The following OPCML variants were observed in gnomAD, a reference collection of about 807,000 sequenced individuals.
OPCML encodes opioid binding protein/cell adhesion molecule like, also known as opioid-binding protein/cell adhesion molecule.
A neutral mutation model predicts 37.8 loss-of-function variants in OPCML; 13 were observed. The observed-to-expected ratio is 0.34, with a 90% CI of 0.22 to 0.55. The LOEUF (loss-of-function observed/expected upper bound fraction) is 0.55, where lower values mean the gene tolerates loss of function less well. Among genes scored for constraint, OPCML ranks in the 20% least tolerant of loss-of-function variants. The pLI, the probability that OPCML is intolerant of heterozygous loss-of-function variation, is 0.91. For missense variants in OPCML, 341 were observed against 435.6 expected (o/e 0.78, Z 1.93); for synonymous variants, 176 against 168.8 (o/e 1.04, Z -0.33).
At chr11:132,875,839 C>T (rs1016685216) in intron 2 of OPCML, among the ~76,000 whole-genome samples, 1 of 152,150 alleles carries the variant, frequency 6.6e-6, no homozygotes, top group Non-Finnish European at 1.5e-5. Context: ...AAGATGAGAG[C>T]CTGGGTTCCT....
intron 1 of OPCML, among the ~76,000 whole-genome samples, chr11:133,150,270 G>A (rs544407403): frequency 6.6e-6 from 1 of 152,334 alleles, no homozygotes; most frequent in South Asian, 2.1e-4. Flanking sequence ...GTCAGGGACT[G>A]CGCTAAACCC....
In OPCML at chr11:133,004,019, G is replaced by A. The variant is rs538821251; in HGVS notation, c.62-61009C>T. ...GAGGAAGTGGCACACGTCTCTCACC[G>A]CTCTGGAGTCAGGCGGAAATGCCAG... On this transcript the variant is annotated intron_variant, in intron 1 of 7. Coordinates refer to ENST00000524381, the MANE Select transcript of OPCML (RefSeq NM_001012393.5). The A allele has an allele frequency of 4.4e-5, 43 of 985,368 alleles. No individual in the cohort carries two copies. The South Asian group carries it at 4.7e-4, about 11-fold the overall frequency. 61.0% of individuals were successfully genotyped at this position (985,368 alleles called of 1,614,324 possible). A position where few individuals can be genotyped will look rare whatever the true frequency, so the allele number is the denominator to read the frequency against.
At chr11:133,528,402 T>C (rs75887075) in intron 1 of OPCML, among the ~76,000 whole-genome samples, 1 of 152,228 alleles carries the variant, frequency 6.6e-6, no homozygotes. Context: ...CTTGTTCCTA[T>C]CTCTTTCTTA....
At chr11:132,579,021 TA>T (rs1204184521) in intron 3 of OPCML, among the ~76,000 whole-genome samples, 2 of 152,202 alleles carry the variant, frequency 1.3e-5, no homozygotes, top group Non-Finnish European at 2.9e-5. Context: ...ATTAGCCATT[TA>T]TTTCTAAAAG....
At chr11:132,739,509 G>C (rs993550029) in intron 2 of OPCML, among the ~76,000 whole-genome samples, 8 of 152,194 alleles carry the variant, frequency 5.3e-5, no homozygotes, top group African/African-American at 1.9e-4. Context: ...CAATCAACCA[G>C]CTATAGCCAA....
intron 7 of OPCML, among the ~76,000 whole-genome samples, chr11:132,425,368 C>T (rs1592154561): frequency 6.6e-6 from 1 of 152,274 alleles, no homozygotes; most frequent in East Asian, 1.9e-4. Context: ...GTTGGATAGT[C>T]TTAAGAGCAT....
At chr11:132,550,089 G>T (rs2096377990) in intron 3 of OPCML, among the ~76,000 whole-genome samples, 1 of 152,172 alleles carries the variant, frequency 6.6e-6, no homozygotes, top group African/African-American at 2.4e-5. Flanking sequence ...CTCCCTTGGG[G>T]TTTGGATAGG....
At chr11:132,963,903 A>G (rs1946152561) in intron 1 of OPCML, among the ~76,000 whole-genome samples, 1 of 152,140 alleles carries the variant, frequency 6.6e-6, no homozygotes, top group Admixed American at 6.5e-5. Context: ...CTGCATCTTG[A>G]ACCCTTCTGT....
At chr11:133,074,019 C>T (rs527297209) in intron 1 of OPCML, among the ~76,000 whole-genome samples, 3 of 152,334 alleles carry the variant, frequency 2.0e-5, no homozygotes, top group East Asian at 1.9e-4. Flanking sequence ...TTCCATTCCA[C>T]GCCATCCATT....
Position 132,889,970 on chromosome 11 carries a change from AT to A in OPCML, c.146+52955del, listed in dbSNP as rs1374635201. The stretch of plus-strand genomic sequence containing the variant: ...TAATAGGCAGAAATGGGCTATTAGT[AT>A]TTTTAATTTGAGAGTGGCAAAACCT... On this transcript the variant is annotated intron_variant, in intron 2 of 7. Transcript: ENST00000524381. Among the ~76,000 whole-genome samples, 13 of 152,358 alleles carry A rather than the reference AT, an allele frequency of 8.5e-5. No homozygotes were observed. The East Asian group carries it at 9.6e-4, about 11-fold the overall frequency.
chr11:132,655,159 C>T (rs1286829917), intron 3 of OPCML, among the ~76,000 whole-genome samples: 1 of 152,226 alleles, frequency 6.6e-6, no homozygotes, highest in African/African-American at 2.4e-5. Flanking sequence ...GATAGGCTTG[C>T]TCTGTTTGAG....
At chr11:132,948,746 C>T (rs566873769) in intron 1 of OPCML, among the ~76,000 whole-genome samples, 1 of 152,140 alleles carries the variant, frequency 6.6e-6, no homozygotes, top group Non-Finnish European at 1.5e-5. Flanking sequence ...ACTTGGCACA[C>T]TGGAAAATTT....
At chr11:133,168,761 T>G (rs1182118084) in intron 1 of OPCML, among the ~76,000 whole-genome samples, 1 of 152,202 alleles carries the variant, frequency 6.6e-6, no homozygotes, top group East Asian at 1.9e-4. Context: ...ACACTGATGT[T>G]CGATATTTTT....
intron 1 of OPCML, chr11:133,025,095 A>C: frequency 9.9e-6 from 8 of 810,970 alleles, no homozygotes; most frequent in Non-Finnish European, 1.2e-5. Flanking sequence ...CCTAGAGCTA[A>C]TTTTCCTTCA....
chr11:133,144,455 A>T (rs1949869717), intron 1 of OPCML, among the ~76,000 whole-genome samples: 1 of 152,118 alleles, frequency 6.6e-6, no homozygotes. Context: ...ATTCCTCCCC[A>T]TCCAGAAGTG....
At position 133,090,358 on chromosome 11, in the gene OPCML, T is replaced by C. The variant is rs146831964; in HGVS notation, c.62-147348A>G. Among the ~76,000 whole-genome samples the C allele has an allele frequency of 1.9e-3, 283 of 152,166 alleles. 1 individual carries two copies. Among genetic ancestry groups the C allele is most frequent in the Non-Finnish European group, 3.1e-3 (211 of 68,006 alleles). On this transcript the variant is annotated intron_variant, in intron 1 of 7. Coordinates refer to ENST00000524381, the MANE Select transcript of OPCML (RefSeq NM_001012393.5). ...TGAGATGCATGCTAGGAAAAAACCC[T>C]AGATGGGTATGAACAGAGCATTGAG...
intron 2 of OPCML, among the ~76,000 whole-genome samples, chr11:132,751,677 G>A (rs1357968857): frequency 6.6e-6 from 1 of 152,168 alleles, no homozygotes; most frequent in Non-Finnish European, 1.5e-5. Flanking sequence ...CTTGGCCAAG[G>A]TCAGGGAGCT....
intron 1 of OPCML, among the ~76,000 whole-genome samples, chr11:133,490,276 G>A (rs929258386): frequency 6.6e-6 from 1 of 152,108 alleles, no homozygotes; most frequent in Non-Finnish European, 1.5e-5. Context: ...TTTCCATCCC[G>A]ACCTACATAT....
chr11:133,389,603 T>C (rs191701636), intron 1 of OPCML, among the ~76,000 whole-genome samples: 1 of 152,324 alleles, frequency 6.6e-6, no homozygotes. Flanking sequence ...GTTATTACTA[T>C]TATTATTACT....
Sources: allele counts gnomAD v4.1 joint callset (sites outside exome capture counted in the v4.1 genomes callset), GRCh38; gene constraint gnomAD v4.1.1; transcripts MANE v1.5; gene names NCBI Gene and HGNC (gene_info 2026-07-23, HGNC 2026-07-21).